The following SRBD1 variants were observed in gnomAD, a reference collection of about 807,000 sequenced individuals.
SRBD1 encodes the protein S1 RNA binding domain 1, also known as S1 RNA-binding domain-containing protein 1.
In SRBD1, 88 loss-of-function variants were observed where a neutral mutation model predicts 115.3. The ratio of observed to expected loss-of-function variants is 0.76; its 90% CI spans 0.64 to 0.91. The LOEUF is 0.91. Ranked by LOEUF, SRBD1 falls within the 40% of genes least tolerant of loss-of-function variation. SRBD1 has a pLI of 0.00. For synonymous variants in SRBD1, 509 were observed against 407.7 expected, an observed-to-expected ratio of 1.25 and a Z score of -2.99; for missense variants, 1,385 against 1,177.4, an observed-to-expected ratio of 1.18 and a Z score of -2.58.
chr2:45,547,479 G>A (rs747002070), intron 13 of SRBD1, 43 bp downstream of exon 13: 3 of 1,551,430 alleles, frequency 1.9e-6, no homozygotes, highest in Non-Finnish European at 2.7e-6. Context: ...ATCTCTGGTT[G>A]ACTGAGCCAC....
chr2:45,526,404 A>G (rs9750005), intron 14 of SRBD1, among the ~76,000 whole-genome samples: 1 of 152,022 alleles, frequency 6.6e-6, no homozygotes, highest in Non-Finnish European at 1.5e-5. Context: ...AGGGAAATCT[A>G]TCTATAGAGA....
At chr2:45,422,553 A>T (rs547887770) in intron 16 of SRBD1, among the ~76,000 whole-genome samples, 1 of 152,262 alleles carries the variant, frequency 6.6e-6, no homozygotes, top group South Asian at 2.1e-4. Flanking sequence ...AATGAACAAT[A>T]GAATGAACAA....
chr2:45,514,315 A>G (rs1671057735), intron 14 of SRBD1, among the ~76,000 whole-genome samples: 1 of 152,150 alleles, frequency 6.6e-6, no homozygotes, highest in South Asian at 2.1e-4. Flanking sequence ...AACAAAGCAA[A>G]TAAGTAGGGG....
chr2:45,602,194 A>G, intron 2 of SRBD1, 111 bp from the exon 3 acceptor site: 1 of 1,248,816 alleles, frequency 8.0e-7, no homozygotes, highest in Non-Finnish European at 1.1e-6. Flanking sequence ...TGTTTAATAT[A>G]AAATGGAGTG....
At chr2:45,484,627 C>T (rs1670060647) in intron 15 of SRBD1, among the ~76,000 whole-genome samples, 1 of 152,146 alleles carries the variant, frequency 6.6e-6, no homozygotes, top group Admixed American at 6.5e-5. Flanking sequence ...TTTTAAAGTA[C>T]AGAAGTCAGT....
chr2:45,553,521 C>T (rs1012094460), intron 11 of SRBD1, 102 bp downstream of exon 11: 17 of 700,368 alleles, frequency 2.4e-5, no homozygotes, highest in Admixed American at 2.1e-4. Flanking sequence ...TAAATTCTTT[C>T]GATTGGTTAA....
intron 14 of SRBD1, among the ~76,000 whole-genome samples, chr2:45,530,395 G>T (rs930702274): frequency 1.3e-5 from 2 of 151,768 alleles, no homozygotes; most frequent in African/African-American, 2.4e-5. Flanking sequence ...AATTACGTAG[G>T]ATACACAAAA....
chr2:45,568,843 T>C (rs974312622), intron 9 of SRBD1, among the ~76,000 whole-genome samples: 1 of 152,260 alleles, frequency 6.6e-6, no homozygotes, highest in Non-Finnish European at 1.5e-5. Flanking sequence ...CTGGTACTAT[T>C]AAAAATTACT....
intron 14 of SRBD1, among the ~76,000 whole-genome samples, chr2:45,521,108 A>C (rs1377431491): frequency 6.6e-6 from 1 of 152,108 alleles, no homozygotes; most frequent in African/African-American, 2.4e-5. Context: ...AGCGGCAGCA[A>C]CTAAACAGAC....
At chr2:45,585,904 AAAAG>A in intron 4 of SRBD1, 130 bp from the exon 5 acceptor site, 1 of 694,414 alleles carries the variant, frequency 1.4e-6, no homozygotes. Flanking sequence ...TTTTTTAAAA[AAAAG>A]AAAGCCATAT....
chr2:45,431,490 C>T (rs989336056), intron 16 of SRBD1, among the ~76,000 whole-genome samples: 2 of 152,130 alleles, frequency 1.3e-5, no homozygotes, highest in African/African-American at 4.8e-5. Context: ...GGATATGAAG[C>T]TGGAAGCCAT....
intron 14 of SRBD1, among the ~76,000 whole-genome samples, chr2:45,543,899 C>T (rs1173286692): frequency 6.6e-6 from 1 of 151,986 alleles, no homozygotes; most frequent in African/African-American, 2.4e-5. Flanking sequence ...ATAATTATAG[C>T]AGAAAGGAGA....
intron 9 of SRBD1, among the ~76,000 whole-genome samples, chr2:45,564,275 G>A (rs968410396): frequency 6.6e-5 from 10 of 152,062 alleles, no homozygotes; most frequent in African/African-American, 2.2e-4. Context: ...CAAAAAACTT[G>A]GAAATATAAG....
intron 19 of SRBD1, among the ~76,000 whole-genome samples, chr2:45,409,515 C>CAAAAAAA (rs59849294): frequency 2.5e-5 from 3 of 117,916 alleles, no homozygotes; most frequent in Non-Finnish European, 3.5e-5. Context: ...TTGCAATAGG[C>CAAAAAAA]AAAAAAAAAA....
chr2:45,555,303 T>G (rs1672438349), intron 10 of SRBD1, among the ~76,000 whole-genome samples: 1 of 152,266 alleles, frequency 6.6e-6, no homozygotes, highest in South Asian at 2.1e-4. Flanking sequence ...GAGGATCACT[T>G]GAGCCCAGGA....
intron 4 of SRBD1, among the ~76,000 whole-genome samples, chr2:45,590,899 C>T (rs1332274097): frequency 6.6e-6 from 1 of 152,044 alleles, no homozygotes; most frequent in Non-Finnish European, 1.5e-5. Context: ...CGCCTGTAAT[C>T]CCAGCTACTC....
chr2:45,538,543 C>G (rs1671836315), intron 14 of SRBD1, among the ~76,000 whole-genome samples: 1 of 152,186 alleles, frequency 6.6e-6, no homozygotes, highest in Admixed American at 6.5e-5. Context: ...GATTATTGCA[C>G]TACAGAAGAT....
chr2:45,476,763 C>T (rs184157432), intron 16 of SRBD1, among the ~76,000 whole-genome samples: 2 of 152,200 alleles, frequency 1.3e-5, no homozygotes, highest in African/African-American at 4.8e-5. Context: ...CATAGTCTTT[C>T]AATCTGACCA....
intron 12 of SRBD1, among the ~76,000 whole-genome samples, chr2:45,549,499 T>C (rs1672227322): frequency 6.6e-6 from 1 of 150,698 alleles, no homozygotes; most frequent in African/African-American, 2.4e-5. Context: ...TAATATAATG[T>C]CCTTACAGAA....
Sources: gnomAD v4.1 joint callset for allele counts (sites outside exome capture counted in the v4.1 genomes callset) on GRCh38, gnomAD v4.1.1 for gene constraint, MANE v1.5 for transcripts, NCBI Gene and HGNC (gene_info 2026-07-23, HGNC 2026-07-21) for gene names.